The following RANBP17 variants were observed in gnomAD, a reference collection of about 807,000 sequenced individuals.
RANBP17 encodes RAN binding protein 17.
In RANBP17, 158 loss-of-function variants were observed where a neutral mutation model predicts 141.2. That is an observed-to-expected ratio of 1.12 (90% CI 0.98 to 1.28). The LOEUF (loss-of-function observed/expected upper bound fraction) is 1.28. RANBP17 is among the 50% of genes most tolerant of loss of function. The pLI is 0.00. For synonymous variants in RANBP17, 430 were observed against 450.0 expected (o/e 0.96, Z 0.56); for missense variants, 1,438 against 1,290.7 (o/e 1.11, Z -1.75).
chr5:170,911,517 CA>C, intron 7 of RANBP17: 1 of 721,594 alleles, frequency 1.4e-6, no homozygotes, highest in Non-Finnish European at 2.6e-6. Flanking sequence ...TCAGTGTTAG[CA>C]AAATCTGGTA....
intron 14 of RANBP17, among the ~76,000 whole-genome samples, chr5:171,129,720 A>G (rs546600991): frequency 5.9e-5 from 9 of 152,330 alleles, no homozygotes; most frequent in African/African-American, 2.2e-4. Context: ...TCTCTTCATG[A>G]CAATCTAAGA....
intron 12 of RANBP17, among the ~76,000 whole-genome samples, chr5:170,939,345 A>G (rs1486507117): frequency 6.6e-6 from 1 of 151,116 alleles, no homozygotes; most frequent in East Asian, 1.9e-4. Flanking sequence ...AAATTGGTAA[A>G]CTCAAAAATT....
intron 14 of RANBP17, among the ~76,000 whole-genome samples, chr5:171,066,014 C>T (rs1274206010): frequency 6.6e-6 from 1 of 151,904 alleles, no homozygotes; most frequent in African/African-American, 2.4e-5. Context: ...ACGCCCACCA[C>T]CATGCCCAGC....
intron 22 of RANBP17, among the ~76,000 whole-genome samples, chr5:171,236,827 G>C (rs1249860211): frequency 1.3e-5 from 2 of 152,190 alleles, no homozygotes; most frequent in Non-Finnish European, 2.9e-5. Context: ...CAGATACCTA[G>C]ATAGTAAGGA....
rs147980794 is a variant in RANBP17, at chr5:170,919,545, C to T, written c.1206C>T (p.Asp402=). 647 of 1,611,804 alleles carry T rather than the reference C, an allele frequency of 4.0e-4. 9 individuals are homozygous for T. The highest frequency in any genetic ancestry group is 3.8e-3 in the South Asian group (344 of 90,746). ...FVKSTEPHLL[D]TYAPEITKAF... ...AATCAACTGAACCCCACCTATTAGA[C>T]ACTTATGCACCAGAAATCACGAAGG... The change falls in exon 11 of 28, where the codon GAC becomes GAT. Residue 402 remains aspartate (D), a synonymous_variant. Transcript: ENST00000523189.
intron 3 of RANBP17, among the ~76,000 whole-genome samples, chr5:170,889,194 T>C (rs1026540796): frequency 9.2e-5 from 14 of 151,986 alleles, no homozygotes; most frequent in African/African-American, 2.9e-4. Context: ...TAGATTATAG[T>C]GTATACTTCT....
chr5:171,007,588 A>G (rs1417323877), intron 14 of RANBP17, among the ~76,000 whole-genome samples: 1 of 152,124 alleles, frequency 6.6e-6, no homozygotes, highest in Non-Finnish European at 1.5e-5. Flanking sequence ...GACAAGTTGC[A>G]TTGGGAACAG....
intron 21 of RANBP17, among the ~76,000 whole-genome samples, chr5:171,220,737 C>T (rs966638679): frequency 5.3e-5 from 8 of 152,072 alleles, no homozygotes; most frequent in Non-Finnish European, 7.4e-5. Context: ...CATGAGCCAC[C>T]GCGCCTGGTC....
At chr5:171,104,896 G>A (rs1754675200) in intron 14 of RANBP17, among the ~76,000 whole-genome samples, 1 of 152,082 alleles carries the variant, frequency 6.6e-6, no homozygotes, top group Non-Finnish European at 1.5e-5. Flanking sequence ...TATCAACTTT[G>A]AATATAGTGA....
At chr5:171,007,550 A>C (rs1204877559) in intron 14 of RANBP17, among the ~76,000 whole-genome samples, 2 of 152,128 alleles carry the variant, frequency 1.3e-5, no homozygotes, top group African/African-American at 4.8e-5. Flanking sequence ...CTGAAGGGAC[A>C]GGTGGGAGGG....
At chr5:171,213,410 A>G (rs1166668275) in intron 20 of RANBP17, among the ~76,000 whole-genome samples, 3 of 152,190 alleles carry the variant, frequency 2.0e-5, no homozygotes, top group African/African-American at 7.2e-5. Flanking sequence ...ACATGTTACA[A>G]ATAAGAACAA....
At chr5:170,878,717 T>C (rs940857229) in intron 2 of RANBP17, among the ~76,000 whole-genome samples, 5 of 152,204 alleles carry the variant, frequency 3.3e-5, no homozygotes, top group Non-Finnish European at 1.5e-5. Context: ...GATGCTGTAC[T>C]GCTTACTTGA....
chr5:171,122,030 C>G (rs1356455886), intron 14 of RANBP17, among the ~76,000 whole-genome samples: 2 of 152,180 alleles, frequency 1.3e-5, no homozygotes, highest in Non-Finnish European at 2.9e-5. Flanking sequence ...GTAAGGACTG[C>G]CATTGTTTTT....
At chr5:170,925,703 A>G (rs1279896551) in intron 12 of RANBP17, among the ~76,000 whole-genome samples, 4 of 152,132 alleles carry the variant, frequency 2.6e-5, no homozygotes, top group Non-Finnish European at 2.9e-5. Context: ...TTATCAATTC[A>G]TGCCTTTTCT....
intron 9 of RANBP17, among the ~76,000 whole-genome samples, chr5:170,918,511 A>T (rs929989063): frequency 3.9e-5 from 6 of 151,950 alleles, no homozygotes; most frequent in Middle Eastern, 3.4e-3. Context: ...TCTACTTTGG[A>T]TTCCTTGTTA....
At chr5:171,138,125 T>G (rs1417845694) in intron 14 of RANBP17, among the ~76,000 whole-genome samples, 1 of 152,048 alleles carries the variant, frequency 6.6e-6, no homozygotes, top group East Asian at 1.9e-4. Flanking sequence ...AGACCCAAAT[T>G]CTAGGATTAA....
intron 25 of RANBP17, among the ~76,000 whole-genome samples, chr5:171,278,706 C>A (rs528997406): frequency 2.0e-4 from 30 of 152,078 alleles, no homozygotes; most frequent in Non-Finnish European, 3.7e-4. Context: ...TGAGAAATAC[C>A]CTGCCAGCTG....
chr5:170,880,817 G>A (rs1022391385), intron 2 of RANBP17, among the ~76,000 whole-genome samples: 1 of 152,178 alleles, frequency 6.6e-6, no homozygotes, highest in African/African-American at 2.4e-5. Flanking sequence ...CGATATGATA[G>A]ACATGTGCTG....
At chr5:171,073,542 T>C (rs1432900760) in intron 14 of RANBP17, among the ~76,000 whole-genome samples, 2 of 152,064 alleles carry the variant, frequency 1.3e-5, no homozygotes, top group Non-Finnish European at 2.9e-5. Context: ...TCTGGAGAGA[T>C]GTATGAGCAG....
Sources: gnomAD v4.1 joint callset for allele counts (sites outside exome capture counted in the v4.1 genomes callset) on GRCh38, gnomAD v4.1.1 for gene constraint, MANE v1.5 for transcripts, NCBI Gene and HGNC (gene_info 2026-07-23, HGNC 2026-07-21) for gene names.